The following CHRM2 variants were observed in gnomAD, a reference collection of about 807,000 sequenced individuals.
CHRM2 encodes muscarinic acetylcholine receptor M2.
In CHRM2, 8 loss-of-function variants were observed where a neutral mutation model predicts 25.0. The observed-to-expected ratio is 0.32, with a 90% CI of 0.19 to 0.58. The LOEUF is 0.58. Among genes scored for constraint, CHRM2 ranks in the 20% least tolerant of loss-of-function variants. The pLI is 0.88. For missense variants in CHRM2, 440 were observed against 567.1 expected, an observed-to-expected ratio of 0.78 and a Z score of 2.28; for synonymous variants, 202 against 205.7, an observed-to-expected ratio of 0.98 and a Z score of 0.15.
chr7:136,983,402 G>A (rs1346068806), intron 2 of CHRM2, among the ~76,000 whole-genome samples: 1 of 152,118 alleles, frequency 6.6e-6, no homozygotes, highest in African/African-American at 2.4e-5. Context: ...GGAGGACTTT[G>A]TTATTACCCA....
chr7:136,969,988 C>T (rs1801657824), intron 2 of CHRM2, among the ~76,000 whole-genome samples: 1 of 152,260 alleles, frequency 6.6e-6, no homozygotes, highest in East Asian at 1.9e-4. Flanking sequence ...TTGTAGAAGG[C>T]TGGCTTCTCA....
intron 2 of CHRM2, chr7:136,938,533 C>A (rs899798547): frequency 2.1e-6 from 2 of 945,234 alleles, no homozygotes; most frequent in Non-Finnish European, 3.5e-6. Flanking sequence ...GTTGATTGAC[C>A]GTGACTGCAG....
chr7:136,993,483 C>G (rs1044674380), intron 3 of CHRM2, among the ~76,000 whole-genome samples: 15 of 152,066 alleles, frequency 9.9e-5, no homozygotes, highest in Admixed American at 2.6e-4. Flanking sequence ...TCCCTGAGGT[C>G]AGGGGAGAGA....
At chr7:136,969,276 A>C (rs1310911543) in intron 2 of CHRM2, among the ~76,000 whole-genome samples, 2 of 152,212 alleles carry the variant, frequency 1.3e-5, no homozygotes, top group African/African-American at 4.8e-5. Context: ...TGGTACCAAT[A>C]AATTTCCAAC....
At chr7:136,893,002 T>C (rs763709834) in intron 2 of CHRM2, among the ~76,000 whole-genome samples, 9 of 152,216 alleles carry the variant, frequency 5.9e-5, no homozygotes, top group Non-Finnish European at 1.3e-4. Context: ...ATGTCTCTTC[T>C]TTTCTGTATC....
At chr7:136,966,400 T>C (rs1801418619) in intron 2 of CHRM2, among the ~76,000 whole-genome samples, 1 of 151,976 alleles carries the variant, frequency 6.6e-6, no homozygotes, top group Non-Finnish European at 1.5e-5. Flanking sequence ...GTTATGTTAG[T>C]TCCTATTTTT....
rs1028011216 is a variant in CHRM2 at position 137,017,112 on chromosome 7, A to G, written c.*846A>G. 8 of 152,778 alleles carry G rather than the reference A, an allele frequency of 5.2e-5. No individual in the cohort carries two copies. The highest frequency in any genetic ancestry group is 1.9e-4 in the African/African-American group (8 of 41,414). 9.5% of individuals were successfully genotyped at this position (152,778 alleles called of 1,614,324 possible). A position where few individuals can be genotyped will look rare whatever the true frequency, so the allele number is the denominator to read the frequency against. On this transcript the variant is annotated 3_prime_UTR_variant, in exon 4 of 4. Coordinates refer to ENST00000680005, the MANE Select transcript of CHRM2 (RefSeq NM_001006630.2). ...ATCCTATATGCGAAATGTTTAAACCAATCTGATTTTCTCCTAAATAGCCTT... is the reference window on the plus strand; with the variant it reads ...ATCCTATATGCGAAATGTTTAAACCGATCTGATTTTCTCCTAAATAGCCTT...
chr7:136,951,178 C>T (rs1800393176), intron 2 of CHRM2: 1 of 152,060 alleles, frequency 6.6e-6, no homozygotes, highest in African/African-American at 2.4e-5. Context: ...TGTGGAATAT[C>T]CAGCTCGAAT....
In CHRM2 at chr7:136,955,397, G is replaced by T. The variant is rs139186983; in HGVS notation, c.-124-36790G>T. On this transcript the variant is annotated intron_variant, in intron 2 of 3. Coordinates refer to ENST00000680005, the MANE Select transcript of CHRM2 (RefSeq NM_001006630.2). The stretch of plus-strand genomic sequence containing the variant: ...TTCCTTGGAATACTCTTGTCCTCGG[G>T]TTTTCACATTCTACCTGGCTCCTAA... Among the ~76,000 whole-genome samples, 40 of 152,220 alleles carry T rather than the reference G, an allele frequency of 2.6e-4. No homozygotes were observed. In the Middle Eastern group the frequency reaches 0.01, roughly 39 times the overall value.
chr7:136,878,448 A>G (rs1796133261), intron 2 of CHRM2, among the ~76,000 whole-genome samples: 1 of 151,888 alleles, frequency 6.6e-6, no homozygotes, highest in Non-Finnish European at 1.5e-5. Flanking sequence ...GCAACTGGGT[A>G]TCATTCAACA....
intron 2 of CHRM2, among the ~76,000 whole-genome samples, chr7:136,982,698 T>C (rs766498987): frequency 2.2e-4 from 34 of 152,228 alleles, no homozygotes; most frequent in Non-Finnish European, 7.3e-5. Flanking sequence ...CCTTCACTTA[T>C]GAAGCTTATT....
chr7:136,921,038 T>C (rs1240365966), intron 2 of CHRM2, among the ~76,000 whole-genome samples: 2 of 152,126 alleles, frequency 1.3e-5, no homozygotes, highest in African/African-American at 4.8e-5. Flanking sequence ...GATGTGGATA[T>C]TGGAGTCCTC....
chr7:137,013,804 T>C lies in CHRM2; in HGVS notation c.-46-1016T>C, dbSNP rs6969833. Among the ~76,000 whole-genome samples the C allele has an allele frequency of 7.8e-3, 1,180 of 152,124 alleles. 17 individuals carry two copies. The highest frequency in any genetic ancestry group is 0.027 in the African/African-American group (1,117 of 41,558). ...TCTGCCACCAGGCAGAGACCTTGTT[T>C]TAATCATCATTGAACGTCCAGAACA... On this transcript the variant is annotated intron_variant, in intron 3 of 3. Coordinates refer to ENST00000680005, the MANE Select transcript of CHRM2 (RefSeq NM_001006630.2).
At chr7:136,896,050 T>G (rs1407189270) in intron 2 of CHRM2, among the ~76,000 whole-genome samples, 1 of 152,198 alleles carries the variant, frequency 6.6e-6, no homozygotes, top group Non-Finnish European at 1.5e-5. Context: ...TAAATTTTAT[T>G]TGCATATAAT....
At chr7:136,939,988 T>A (rs1799669415) in intron 2 of CHRM2, among the ~76,000 whole-genome samples, 1 of 152,214 alleles carries the variant, frequency 6.6e-6, no homozygotes, top group East Asian at 1.9e-4. Context: ...GTAATACATT[T>A]CCTAATGATT....
At chr7:136,930,779 C>G (rs1375985654) in intron 2 of CHRM2, among the ~76,000 whole-genome samples, 3 of 151,702 alleles carry the variant, frequency 2.0e-5, no homozygotes, top group African/African-American at 7.3e-5. Flanking sequence ...CACCTGTAGT[C>G]CCAGCTACTC....
intron 2 of CHRM2, among the ~76,000 whole-genome samples, chr7:136,930,181 C>T (rs953463202): frequency 6.6e-6 from 1 of 152,042 alleles, no homozygotes; most frequent in African/African-American, 2.4e-5. Flanking sequence ...ACCAGTAATC[C>T]CAGCACTTTG....
At chr7:137,009,660 A>G (rs1031790470) in intron 3 of CHRM2, among the ~76,000 whole-genome samples, 1 of 152,078 alleles carries the variant, frequency 6.6e-6, no homozygotes, top group African/African-American at 2.4e-5. Context: ...TATTCATAGT[A>G]GAGTCTGGAG....
intron 2 of CHRM2, among the ~76,000 whole-genome samples, chr7:136,975,208 A>T (rs1802033506): frequency 6.6e-6 from 1 of 152,216 alleles, no homozygotes. Context: ...ATCAGCCTAT[A>T]AGAAACAGCA....
Sources: gnomAD v4.1 joint callset for allele counts (sites outside exome capture counted in the v4.1 genomes callset) on GRCh38, gnomAD v4.1.1 for gene constraint, MANE v1.5 for transcripts, NCBI Gene and HGNC (gene_info 2026-07-23, HGNC 2026-07-21) for gene names.